Variants in KCNJ12 observed in about 807,000 individuals in gnomAD.
The protein encoded by KCNJ12 is potassium inwardly rectifying channel subfamily J member 12, also known as ATP-sensitive inward rectifier potassium channel 12.
KCNJ12 carries 2 observed loss-of-function variants against 22.3 expected under a neutral mutation model. That is an observed-to-expected ratio of 0.09 (90% CI 0.04 to 0.28). The LOEUF (loss-of-function observed/expected upper bound fraction) is 0.28. KCNJ12 is among the 10% of genes least tolerant of loss of function. The probability of loss-of-function intolerance (pLI) is 1.00; values close to 1 mark genes in which losing one functional copy is unlikely to be tolerated. For missense variants in KCNJ12, 155 were observed against 633.3 expected (o/e 0.24, Z 8.11); for synonymous variants, 117 against 261.4 (o/e 0.45, Z 5.33).
intron 1 of KCNJ12, among the ~76,000 whole-genome samples, chr17:21,400,904 C>T (rs1905580347): frequency 6.6e-6 from 1 of 152,308 alleles, no homozygotes; most frequent in Non-Finnish European, 1.5e-5. Context: ...GGCAGCCGTC[C>T]TACTGACTCC....
At chr17:21,385,510 C>G (rs1905043852) in intron 1 of KCNJ12, among the ~76,000 whole-genome samples, 1 of 152,222 alleles carries the variant, frequency 6.6e-6, no homozygotes, top group Non-Finnish European at 1.5e-5. Context: ...GTCAGCAGCA[C>G]CTGCCCAGTC....
chr17:21,395,293 GAAA>G (rs1161884090), intron 1 of KCNJ12, among the ~76,000 whole-genome samples: 4 of 55,674 alleles, frequency 7.2e-5, no homozygotes, highest in Admixed American at 2.2e-4. Flanking sequence ...AGATCCTAAA[GAAA>G]AAAAAAAAAA....
chr17:21,386,395 A>G (rs1278936030), intron 1 of KCNJ12, among the ~76,000 whole-genome samples: 2 of 152,202 alleles, frequency 1.3e-5, no homozygotes, highest in Non-Finnish European at 2.9e-5. Flanking sequence ...GCTCACTGCA[A>G]CCTGGAACTC....
intron 1 of KCNJ12, among the ~76,000 whole-genome samples, chr17:21,407,738 T>C (rs1405041029): frequency 3.3e-5 from 5 of 151,752 alleles, no homozygotes; most frequent in African/African-American, 1.2e-4. Context: ...TATCCAACCA[T>C]CCATCCATCC....
chr17:21,417,274 A>G lies in KCNJ12; in HGVS notation c.*630A>G, dbSNP rs78847182. Reference sequence around the variant, plus strand: ...CCCTGGGCAAGCAGGGTGCTCTGGGACCGCACTTCATCGAGCTCACGAGCC... The same window carrying G: ...CCCTGGGCAAGCAGGGTGCTCTGGGGCCGCACTTCATCGAGCTCACGAGCC... On this transcript the variant is annotated 3_prime_UTR_variant, in exon 3 of 3. Coordinates refer to ENST00000583088, the MANE Select transcript of KCNJ12 (RefSeq NM_021012.5). 25 of 167,072 alleles carry G rather than the reference A, an allele frequency of 1.5e-4. No individual in the cohort carries two copies. The highest frequency in any genetic ancestry group is 6.0e-4 in the African/African-American group (25 of 41,424). The allele number at this position is 167,072 out of a possible 1,614,324, so 10.3% of individuals were successfully genotyped here.
At chr17:21,414,919 A>C (rs1381386191) in intron 2 of KCNJ12, among the ~76,000 whole-genome samples, 1 of 152,300 alleles carries the variant, frequency 6.6e-6, no homozygotes, top group African/African-American at 2.4e-5. Flanking sequence ...GCTGCCATGG[A>C]GACTGGGGGG....
intron 1 of KCNJ12, among the ~76,000 whole-genome samples, chr17:21,397,685 G>T (rs1325653459): frequency 2.0e-5 from 3 of 152,194 alleles, no homozygotes; most frequent in Non-Finnish European, 2.9e-5. Context: ...GAGTCCACTG[G>T]TTTGCAGAGT....
chr17:21,417,347 G>A lies in KCNJ12; in HGVS notation c.*703G>A, dbSNP rs75614171. 2.1e-4 allele frequency: 34 copies of A among 165,756 alleles called. No individual in the cohort carries two copies. The highest frequency in any genetic ancestry group is 3.4e-3 in the Middle Eastern group (1 of 290). The allele number at this position is 165,756 out of a possible 1,614,324, so 10.3% of individuals were successfully genotyped here. ...AAAAATCAAGACCATGTTAATGATC[G>A]TAATAAAAGCTTTCTACTGTCGTTG... is the stretch of plus-strand genomic sequence containing the variant. On this transcript the variant is annotated 3_prime_UTR_variant, in exon 3 of 3. Transcript: ENST00000583088.
chr17:21,401,436 A>G (rs1419601256), intron 1 of KCNJ12, among the ~76,000 whole-genome samples: 2 of 152,328 alleles, frequency 1.3e-5, no homozygotes, highest in Non-Finnish European at 2.9e-5. Flanking sequence ...GAAAGCTGAC[A>G]TTTCCTGCCC....
chr17:21,377,245 G>A (rs1255632497), intron 1 of KCNJ12, among the ~76,000 whole-genome samples: 3 of 152,088 alleles, frequency 2.0e-5, no homozygotes, highest in African/African-American at 7.2e-5. Flanking sequence ...TGCACTAGGG[G>A]GCTCGGGAGG....
In KCNJ12 at chr17:21,419,325, T is replaced by G. The variant is rs1186365125; in HGVS notation, c.*2681T>G. On this transcript the variant is annotated 3_prime_UTR_variant, in exon 3 of 3. Transcript: ENST00000583088. Reference sequence around the variant, plus strand: ...GTGTGTGTGTGTGTGTGTGTGTGTGTGTGTATGCAGGCGGTTATGTGTCTG... The same window carrying G: ...GTGTGTGTGTGTGTGTGTGTGTGTGGGTGTATGCAGGCGGTTATGTGTCTG... The G allele has an allele frequency of 6.0e-6, 1 of 166,304 alleles. No homozygotes were observed. The highest frequency in any genetic ancestry group is 1.5e-5 in the Non-Finnish European group (1 of 68,322). The allele number at this position is 166,304 out of a possible 1,614,324, so 10.3% of individuals were successfully genotyped here. A position where few individuals can be genotyped will look rare whatever the true frequency, so the allele number is the denominator to read the frequency against.
intron 1 of KCNJ12, among the ~76,000 whole-genome samples, chr17:21,404,876 T>G (rs1173262735): frequency 1.3e-5 from 2 of 152,248 alleles, no homozygotes; most frequent in Non-Finnish European, 2.9e-5. Flanking sequence ...CCTTCTGACC[T>G]GGCCTCACCT....
chr17:21,387,994 A>G (rs1178395671), intron 1 of KCNJ12, among the ~76,000 whole-genome samples: 3 of 151,762 alleles, frequency 2.0e-5, no homozygotes, highest in Non-Finnish European at 2.9e-5. Flanking sequence ...CTCCTCCCCC[A>G]CTGCTGAGGC....
chr17:21,393,781 C>T (rs908516169), intron 1 of KCNJ12, among the ~76,000 whole-genome samples: 8 of 152,240 alleles, frequency 5.3e-5, no homozygotes, highest in Admixed American at 2.0e-4. Context: ...ACACCAGCCC[C>T]GTGCCCCCAG....
At chr17:21,413,648 C>G (rs1198270002) in intron 2 of KCNJ12, among the ~76,000 whole-genome samples, 6 of 152,288 alleles carry the variant, frequency 3.9e-5, no homozygotes, top group African/African-American at 1.4e-4. Flanking sequence ...GGTGCCATAG[C>G]CCCTAGCTTG....
rs1906998044 is a variant in KCNJ12, at chr17:21,418,984, G to C, written c.*2340G>C. ...ACCTCCCAGCCCCCACCCTGCGGGAGAGCAGCCCCAGCGCCTCATCTCCCC... is the reference window on the plus strand; with the variant it reads ...ACCTCCCAGCCCCCACCCTGCGGGACAGCAGCCCCAGCGCCTCATCTCCCC... On this transcript the variant is annotated 3_prime_UTR_variant, in exon 3 of 3. Transcript: ENST00000583088. 6.0e-6 allele frequency: 1 copy of C among 167,004 alleles called. No individual in the cohort carries two copies. Among genetic ancestry groups the C allele is most frequent in the East Asian group, 1.9e-4 (1 of 5,200 alleles). The allele number at this position is 167,004 out of a possible 1,614,324, so 10.3% of individuals were successfully genotyped here.
rs149293857 is a variant in KCNJ12, at chr17:21,384,927, C to T, written c.-179+8014C>T. On this transcript the variant is annotated intron_variant, in intron 1 of 2. Coordinates refer to ENST00000583088, the MANE Select transcript of KCNJ12 (RefSeq NM_021012.5). ...AGCTGGGACTATAGGCACCCACCAC[C>T]GCGCCCGGCTAATTTTTTTTTGTAT... Among the ~76,000 whole-genome samples the T allele has an allele frequency of 3.3e-3, 503 of 152,114 alleles. 1 individual carries two copies. Among genetic ancestry groups the T allele is most frequent in the African/African-American group, 0.011 (452 of 41,496 alleles).
At position 21,411,462 on chromosome 17, in the gene KCNJ12, G is replaced by A. The variant is rs1278056746; in HGVS notation, c.-57+2822G>A. On this transcript the variant is annotated intron_variant, in intron 2 of 2. Transcript: ENST00000583088. ...TTCACTGCCCCTTGGTGTTGAAACC[G>A]CCTTGTCTAGCTCAGGTAGTGTACC... is the stretch of plus-strand genomic sequence containing the variant. Among the ~76,000 whole-genome samples, 5 of 152,352 alleles carry A rather than the reference G, an allele frequency of 3.3e-5. No homozygotes were observed. In the South Asian group the frequency reaches 6.2e-4, roughly 19 times the overall value.
At chr17:21,404,193 G>A (rs1283554857) in intron 1 of KCNJ12, among the ~76,000 whole-genome samples, 2 of 152,172 alleles carry the variant, frequency 1.3e-5, no homozygotes, top group Non-Finnish European at 2.9e-5. Flanking sequence ...CACACAGTCA[G>A]GGTGGGTCTT....
Sources: gnomAD v4.1 joint callset for allele counts (sites outside exome capture counted in the v4.1 genomes callset) on GRCh38, gnomAD v4.1.1 for gene constraint, MANE v1.5 for transcripts, NCBI Gene and HGNC (gene_info 2026-07-23, HGNC 2026-07-21) for gene names.